CPSF2: variants seen among roughly 807,000 people sequenced by gnomAD.
CPSF2 encodes the protein cleavage and polyadenylation specificity factor subunit 2.
A neutral mutation model predicts 84.2 loss-of-function variants in CPSF2; 51 were observed. The observed-to-expected ratio is 0.61, with a 90% CI of 0.48 to 0.77. The LOEUF (loss-of-function observed/expected upper bound fraction) is 0.77, where lower values mean the gene tolerates loss of function less well. Ranked by LOEUF, CPSF2 falls within the 30% of genes least tolerant of loss-of-function variation. The pLI, the probability that CPSF2 is intolerant of heterozygous loss-of-function variation, is 0.00. For synonymous variants in CPSF2, 286 were observed against 311.9 expected, an observed-to-expected ratio of 0.92 and a Z score of 0.87; for missense variants, 641 against 929.4, an observed-to-expected ratio of 0.69 and a Z score of 4.03.
Position 92,150,043 on chromosome 14 carries a change from C to G in CPSF2, c.1141-4315C>G, listed in dbSNP as rs543491274. 3.5e-4 allele frequency among the ~76,000 whole-genome samples: 54 copies of G among 152,212 alleles called. 1 individual carries two copies. In the South Asian group the frequency reaches 0.011, roughly 30 times the overall value. On this transcript the variant is annotated intron_variant, in intron 9 of 15. Coordinates refer to ENST00000298875, the MANE Select transcript of CPSF2 (RefSeq NM_017437.3). ...TTGTGTACTAAAGTACAATGGCTAT[C>G]TCCAAGAAAAACACTTGTATGTTTA...
intron 9 of CPSF2, among the ~76,000 whole-genome samples, chr14:92,149,389 C>T (rs912314394): frequency 6.9e-6 from 1 of 144,444 alleles, no homozygotes; most frequent in Non-Finnish European, 1.5e-5. Flanking sequence ...TCAGACCAGC[C>T]TGGGCAACAG....
At chr14:92,143,860 G>A (rs986079330) in intron 9 of CPSF2, among the ~76,000 whole-genome samples, 1 of 152,056 alleles carries the variant, frequency 6.6e-6, no homozygotes, top group African/African-American at 2.4e-5. Context: ...AAACTTTTCC[G>A]TGGTACCCTC....
intron 3 of CPSF2, among the ~76,000 whole-genome samples, chr14:92,132,372 C>A (rs974870859): frequency 2.6e-5 from 4 of 151,734 alleles, no homozygotes; most frequent in African/African-American, 9.7e-5. Context: ...TGACCTCAGG[C>A]GATCCACCTA....
chr14:92,122,847 TTC>T (rs919152069), intron 1 of CPSF2, among the ~76,000 whole-genome samples: 3 of 146,146 alleles, frequency 2.1e-5, no homozygotes, highest in Non-Finnish European at 4.5e-5. Flanking sequence ...CCTTTCTTTT[TTC>T]TTTCTTTTTT....
chr14:92,138,866 G>T (rs2069035896), intron 7 of CPSF2, among the ~76,000 whole-genome samples: 1 of 152,102 alleles, frequency 6.6e-6, no homozygotes, highest in African/African-American at 2.4e-5. Flanking sequence ...CATGGTAGTG[G>T]GAATGACTGT....
intron 7 of CPSF2, among the ~76,000 whole-genome samples, chr14:92,138,949 CCAT>C (rs2069037128): frequency 6.6e-6 from 1 of 152,084 alleles, no homozygotes; most frequent in Non-Finnish European, 1.5e-5. Context: ...TATTATGTGA[CCAT>C]CAGTTTTTGT....
chr14:92,143,171 G>C lies in CPSF2; in HGVS notation c.1017G>C (p.Arg339Ser). The C allele has an allele frequency of 6.2e-7, 1 of 1,613,986 alleles. No individual in the cohort carries two copies. Among genetic ancestry groups the C allele is most frequent in the Non-Finnish European group, 8.5e-7 (1 of 1,180,018 alleles). Reference sequence around the variant, plus strand: ...CTGACCTGGAATGCGGATTTTCAAGGGATCTCTTTATTCAGTGGTGTCAGG... The same window carrying C: ...CTGACCTGGAATGCGGATTTTCAAGCGATCTCTTTATTCAGTGGTGTCAGG... ...SQPDLECGFS[R>S]DLFIQWCQDP... is the part of the protein sequence containing the mutation. The change falls in exon 9 of 16, where the codon AGG becomes AGC. Residue 339 changes from arginine (R) to serine (S), a missense_variant. Physicochemically the swap from Arg to Ser is moderately radical, Grantham distance 110. Transcript: ENST00000298875.
chr14:92,161,301 A>G lies in CPSF2; in HGVS notation c.2256+55A>G, dbSNP rs934998423. 3 of 1,527,318 alleles carry G rather than the reference A, an allele frequency of 2.0e-6. No homozygotes were observed. In the African/African-American group the frequency reaches 4.3e-5, roughly 22 times the overall value. The allele number at this position is 1,527,318 out of a possible 1,614,324, so 94.6% of individuals were successfully genotyped here. A position where few individuals can be genotyped will look rare whatever the true frequency, so the allele number is the denominator to read the frequency against. ...GAACACATACGTCTGATGTTTTGTCATTTTGAAATTCTGTAATTCTTGTTT... is the reference window on the plus strand; with the variant it reads ...GAACACATACGTCTGATGTTTTGTCGTTTTGAAATTCTGTAATTCTTGTTT... On this transcript the variant is annotated intron_variant, in intron 15 of 15. Transcript: ENST00000298875.
Position 92,155,329 on chromosome 14 carries a change from T to G in CPSF2, c.1442+6T>G. On this transcript the variant is annotated splice_donor_region_variant and intron_variant, in intron 11 of 15. Coordinates refer to ENST00000298875, the MANE Select transcript of CPSF2 (RefSeq NM_017437.3). ...GAATATGGAGAGATTATCAAGTATG[T>G]GAGCAAAACAAACTTTTCTCTCTTA... 6.2e-7 allele frequency: 1 copy of G among 1,608,164 alleles called. No homozygotes were observed. The highest frequency in any genetic ancestry group is 8.5e-7 in the Non-Finnish European group (1 of 1,174,748).
chr14:92,155,153 T>C lies in CPSF2; in HGVS notation c.1272T>C (p.Asp424=), dbSNP rs926261008. 7.4e-6 allele frequency: 12 copies of C among 1,613,646 alleles called. No homozygotes were observed. The highest frequency in any genetic ancestry group is 2.2e-5 in the South Asian group (2 of 91,074). The change falls in exon 11 of 16, where the codon GAT becomes GAC. Residue 424 remains aspartate, a synonymous_variant. Transcript: ENST00000298875. ...EADIDSSDES[D]IEEDIDQPSA... ...ATATAGATTCCAGTGATGAGAGTGA[T>C]ATTGAGGAAGATATTGACCAGCCAT... is the stretch of plus-strand genomic sequence containing the variant.
At chr14:92,144,363 G>A (rs2069118138) in intron 9 of CPSF2, among the ~76,000 whole-genome samples, 1 of 152,014 alleles carries the variant, frequency 6.6e-6, no homozygotes, top group Non-Finnish European at 1.5e-5. Context: ...TGCTCCTGTG[G>A]TCATTGCCTG....
intron 3 of CPSF2, among the ~76,000 whole-genome samples, chr14:92,132,088 G>T (rs1302509831): frequency 1.3e-5 from 2 of 151,980 alleles, no homozygotes; most frequent in African/African-American, 2.4e-5. Flanking sequence ...TAAGTATGTG[G>T]CCATATAAAT....
chr14:92,161,609 G>T (rs1232169781), intron 15 of CPSF2, 43 bp from the exon 16 acceptor site: 2 of 1,355,642 alleles, frequency 1.5e-6, no homozygotes, highest in Admixed American at 4.5e-5. Flanking sequence ...GCATATTAAT[G>T]AATAGAAAAT....
Position 92,124,802 on chromosome 14 carries a change from T to C in CPSF2, c.-93-1320T>C, listed in dbSNP as rs537199020. Among the ~76,000 whole-genome samples the C allele has an allele frequency of 5.3e-5, 8 of 152,372 alleles. No homozygotes were observed. The South Asian group carries it at 1.7e-3, about 32-fold the overall frequency. On this transcript the variant is annotated intron_variant, in intron 1 of 15. Coordinates refer to ENST00000298875, the MANE Select transcript of CPSF2 (RefSeq NM_017437.3). ...ATGATTACATGTTGAAATAATATTTTGGTTCTATTGGGTTAAATAAAATTC... is the reference window on the plus strand; with the variant it reads ...ATGATTACATGTTGAAATAATATTTCGGTTCTATTGGGTTAAATAAAATTC...
At chr14:92,134,209 T>A in intron 4 of CPSF2, 39 bp downstream of exon 4, 1 of 1,611,324 alleles carries the variant, frequency 6.2e-7, no homozygotes, top group Non-Finnish European at 8.5e-7. Flanking sequence ...TAGCACTCCT[T>A]CAGTGATTGT....
chr14:92,150,739 A>T (rs1478334404), intron 9 of CPSF2, among the ~76,000 whole-genome samples: 1 of 152,164 alleles, frequency 6.6e-6, no homozygotes, highest in Non-Finnish European at 1.5e-5. Flanking sequence ...CACCATTTTT[A>T]TGTGAAATAA....
chr14:92,122,853 CT>C lies in CPSF2; in HGVS notation c.-94+740del, dbSNP rs71123318. Among the ~76,000 whole-genome samples the C allele has an allele frequency of 2.6e-3, 365 of 141,030 alleles. 2 individuals carry two copies. Among genetic ancestry groups the C allele is most frequent in the Middle Eastern group, 3.6e-3 (1 of 274 alleles). 92.5% of individuals were successfully genotyped at this position (141,030 alleles called of 152,430 possible). ...CCTTTAACCCCTTTCTTTTTTCTTT[CT>C]TTTTTTTTTTTTTTAATAAAGACGG... On this transcript the variant is annotated intron_variant, in intron 1 of 15. Transcript: ENST00000298875.
In CPSF2 at chr14:92,137,077, C is replaced by A. The variant is rs528370059; in HGVS notation, c.546-1155C>A. On this transcript the variant is annotated intron_variant, in intron 6 of 15. Transcript: ENST00000298875. ...CAGCAAGTTGCCCAAAAACTTACAA[C>A]ATATATATAAGATCAAGTATTAATT... Among the ~76,000 whole-genome samples the A allele has an allele frequency of 4.8e-4, 72 of 150,082 alleles. No individual in the cohort carries two copies. In the South Asian group the frequency reaches 8.8e-3, roughly 18 times the overall value.
Position 92,166,115 on chromosome 14 carries a change from G to T in CPSF2, c.*4371G>T, listed in dbSNP as rs57491966. 30,591 of 151,532 alleles carry T rather than the reference G, an allele frequency of 0.2. 3,341 individuals carry two copies. Among genetic ancestry groups the T allele is most frequent in the East Asian group, 0.3 (1,541 of 5,132 alleles). The allele number at this position is 151,532 out of a possible 1,614,324, so 9.4% of individuals were successfully genotyped here. The stretch of plus-strand genomic sequence containing the variant: ...AACCTCAAGTGATCCACCAACCTTG[G>T]CCCCCAAAAGTGCTGAGATTACAGG... On this transcript the variant is annotated 3_prime_UTR_variant, in exon 16 of 16. Transcript: ENST00000298875.
Sources: gnomAD v4.1 joint callset for allele counts (sites outside exome capture counted in the v4.1 genomes callset) on GRCh38, gnomAD v4.1.1 for gene constraint, MANE v1.5 for transcripts, NCBI Gene and HGNC (gene_info 2026-07-23, HGNC 2026-07-21) for gene names.